AKAP6: variants seen among roughly 807,000 people sequenced by gnomAD.
The protein encoded by AKAP6 is A-kinase anchor protein 6.
A neutral mutation model predicts 188.5 loss-of-function variants in AKAP6; 58 were observed. That is an observed-to-expected ratio of 0.31 (90% CI 0.25 to 0.38). The LOEUF is 0.38. AKAP6 is among the 10% of genes least tolerant of loss of function. The pLI, the probability that AKAP6 is intolerant of heterozygous loss-of-function variation, is 1.00. For missense variants in AKAP6, 2,710 were observed against 2,740.0 expected, an observed-to-expected ratio of 0.99 and a Z score of 0.24; for synonymous variants, 989 against 998.6, an observed-to-expected ratio of 0.99 and a Z score of 0.18.
intron 7 of AKAP6, among the ~76,000 whole-genome samples, chr14:32,607,113 C>G (rs189469408): frequency 2.6e-5 from 4 of 152,284 alleles, no homozygotes; most frequent in Admixed American, 6.5e-5. Context: ...ATCTGGGGAG[C>G]TTCTTGGCAA....
chr14:32,696,340 AT>A (rs1238774865), intron 9 of AKAP6, among the ~76,000 whole-genome samples: 1 of 152,194 alleles, frequency 6.6e-6, no homozygotes, highest in East Asian at 1.9e-4. Flanking sequence ...CTGTAATTCT[AT>A]AGAAGGACAA....
At chr14:32,724,338 A>C (rs4981159) in intron 9 of AKAP6, among the ~76,000 whole-genome samples, 150,330 of 152,188 alleles carry the variant, frequency 0.99, 74,274 homozygotes, top group Middle Eastern at 1. Flanking sequence ...TTCAACAGGT[A>C]TTCAGTAAAA....
chr14:32,474,550 G>C (rs1445958830), intron 2 of AKAP6: 1 of 152,216 alleles, frequency 6.6e-6, no homozygotes, highest in Non-Finnish European at 1.5e-5. Flanking sequence ...AGAGAAGAAA[G>C]ATTTCAAGGT....
rs114811754 is a variant in AKAP6, at chr14:32,584,638, C to T, written c.2469+7396C>T. 4.4e-3 allele frequency among the ~76,000 whole-genome samples: 674 copies of T among 152,274 alleles called. 5 individuals carry two copies. Among genetic ancestry groups the T allele is most frequent in the African/African-American group, 0.015 (625 of 41,540 alleles). Reference sequence around the variant, plus strand: ...CACGTTGTAATTCTTCCCTCCTACCCCTCCCTGGCCTCTACTCCATCCCTA... The same window carrying T: ...CACGTTGTAATTCTTCCCTCCTACCTCTCCCTGGCCTCTACTCCATCCCTA... On this transcript the variant is annotated intron_variant, in intron 5 of 13. Coordinates refer to ENST00000280979, the MANE Select transcript of AKAP6 (RefSeq NM_004274.5).
At position 32,568,899 on chromosome 14, in the gene AKAP6, TTGA is replaced by T. The variant is rs1266064796; in HGVS notation, c.2347-8216_2347-8214del. Among the ~76,000 whole-genome samples the T allele has an allele frequency of 6.6e-6, 1 of 152,208 alleles. No homozygotes were observed. The highest frequency in any genetic ancestry group is 1.5e-5 in the Non-Finnish European group (1 of 68,028). On this transcript the variant is annotated intron_variant, in intron 4 of 13. Transcript: ENST00000280979. The surrounding 1 kb of genome is among the most constrained non-coding windows in gnomAD (Gnocchi z 6.2). ...TATTTGTACCTATTTTTATTAGACT[TTGA>T]TGATATGCATTCCAATCTTGTTTTG... is the stretch of plus-strand genomic sequence containing the variant.
At chr14:32,718,022 C>G (rs776345042) in intron 9 of AKAP6, among the ~76,000 whole-genome samples, 1 of 152,092 alleles carries the variant, frequency 6.6e-6, no homozygotes, top group Non-Finnish European at 1.5e-5. Flanking sequence ...TTACATTATA[C>G]TCTTAGGGCC....
At chr14:32,702,175 A>G (rs1161169294) in intron 9 of AKAP6, among the ~76,000 whole-genome samples, 1 of 152,222 alleles carries the variant, frequency 6.6e-6, no homozygotes, top group South Asian at 2.1e-4. Flanking sequence ...TTAAAACTCC[A>G]TTAAGATAAG....
At chr14:32,603,559 T>G (rs1397828824) in intron 7 of AKAP6, among the ~76,000 whole-genome samples, 1 of 152,140 alleles carries the variant, frequency 6.6e-6, no homozygotes, top group Non-Finnish European at 1.5e-5. Flanking sequence ...ACCTCATGGG[T>G]GGGGCCCCAG....
chr14:32,358,531 G>T (rs1360097718), intron 1 of AKAP6, among the ~76,000 whole-genome samples: 4 of 152,054 alleles, frequency 2.6e-5, no homozygotes, highest in Non-Finnish European at 5.9e-5. Context: ...TGGGTGGGGG[G>T]GTTAGGTATG....
At position 32,379,944 on chromosome 14, in the gene AKAP6, CT is replaced by C. The variant is rs565458593; in HGVS notation, c.-35+50537del. Among the ~76,000 whole-genome samples the C allele has an allele frequency of 3.9e-5, 6 of 152,326 alleles. No homozygotes were observed. In the South Asian group the frequency reaches 1.2e-3, roughly 32 times the overall value. The stretch of plus-strand genomic sequence containing the variant: ...CTTTTCTACTCCTCTCTGTCTCTGT[CT>C]CATCTAGTCACTTATCACATCTTGG... On this transcript the variant is annotated intron_variant, in intron 1 of 13. Transcript: ENST00000280979.
At chr14:32,479,518 T>C (rs780807195) in intron 2 of AKAP6, among the ~76,000 whole-genome samples, 1 of 152,226 alleles carries the variant, frequency 6.6e-6, no homozygotes, top group Non-Finnish European at 1.5e-5. Flanking sequence ...ATTTCCTGAA[T>C]AGTTTTTTGT....
At chr14:32,761,269 C>T (rs2139945973) in intron 11 of AKAP6, among the ~76,000 whole-genome samples, 1 of 152,272 alleles carries the variant, frequency 6.6e-6, no homozygotes, top group South Asian at 2.1e-4. Context: ...GCTTGACTCT[C>T]TTCCTGCATT....
rs2034857727 is a variant in AKAP6 at position 32,834,784 on chromosome 14, T to C, written c.*4979T>C. On this transcript the variant is annotated 3_prime_UTR_variant, in exon 14 of 14. Transcript: ENST00000280979. ...TGAAGATTGATTGAATAACTGACAT[T>C]CCTGATATGTTTTAAAGTTCACAGC... is the stretch of plus-strand genomic sequence containing the variant. The C allele has an allele frequency of 6.6e-6, 1 of 152,106 alleles. No individual in the cohort carries two copies. The highest frequency in any genetic ancestry group is 2.1e-4 in the South Asian group (1 of 4,828). 9.4% of individuals were successfully genotyped at this position (152,106 alleles called of 1,614,324 possible).
At chr14:32,429,712 G>A (rs1005973217) in intron 1 of AKAP6, among the ~76,000 whole-genome samples, 10 of 152,170 alleles carry the variant, frequency 6.6e-5, no homozygotes, top group Non-Finnish European at 7.3e-5. Context: ...AGTAAAGCAC[G>A]CTTTGTTTTA....
At chr14:32,362,953 A>C (rs908428108) in intron 1 of AKAP6, among the ~76,000 whole-genome samples, 13 of 152,260 alleles carry the variant, frequency 8.5e-5, no homozygotes, top group African/African-American at 2.6e-4. Context: ...TCTGAGGTAT[A>C]TGTCAAGACT....
intron 7 of AKAP6, among the ~76,000 whole-genome samples, chr14:32,643,288 C>T (rs1178713143): frequency 6.6e-6 from 1 of 151,834 alleles, no homozygotes; most frequent in Non-Finnish European, 1.5e-5. Flanking sequence ...TCTCCTTCTT[C>T]ATTTTCTTCA....
chr14:32,815,984 G>C (rs2034368088), intron 12 of AKAP6, among the ~76,000 whole-genome samples: 1 of 152,160 alleles, frequency 6.6e-6, no homozygotes, highest in Admixed American at 6.5e-5. Flanking sequence ...ACCTGTATGA[G>C]TACCTCCTCC....
At chr14:32,549,635 T>C (rs955203558) in intron 4 of AKAP6, among the ~76,000 whole-genome samples, 6 of 152,250 alleles carry the variant, frequency 3.9e-5, no homozygotes, top group African/African-American at 1.2e-4. Context: ...TAATAACTAA[T>C]ACTTCTTAAG....
chr14:32,569,624 A>G (rs1884377311), intron 4 of AKAP6, among the ~76,000 whole-genome samples: 1 of 152,232 alleles, frequency 6.6e-6, no homozygotes, highest in African/African-American at 2.4e-5. Context: ...TAGTCATTTT[A>G]TGTAGAAACT....
Sources: allele counts gnomAD v4.1 joint callset (sites outside exome capture counted in the v4.1 genomes callset), GRCh38; gene constraint gnomAD v4.1.1; non-coding constraint Gnocchi (gnomAD v3.1); transcripts MANE v1.5; gene names NCBI Gene and HGNC (gene_info 2026-07-23, HGNC 2026-07-21).